Variants in RASAL2 observed in about 807,000 individuals in gnomAD.
RASAL2 encodes the protein ras GTPase-activating protein nGAP.
RASAL2 carries 58 observed loss-of-function variants against 128.9 expected under a neutral mutation model. That is an observed-to-expected ratio of 0.45 (90% CI 0.36 to 0.56). The LOEUF is 0.56. Among genes scored for constraint, RASAL2 ranks in the 20% least tolerant of loss-of-function variants. The pLI, the probability that RASAL2 is intolerant of heterozygous loss-of-function variation, is 0.00. For synonymous variants in RASAL2, 561 were observed against 580.8 expected (o/e 0.97, Z 0.49); for missense variants, 1,360 against 1,601.6 (o/e 0.85, Z 2.57).
intron 3 of RASAL2, among the ~76,000 whole-genome samples, chr1:178,321,260 T>G (rs996506207): frequency 3.3e-5 from 5 of 152,044 alleles, no homozygotes; most frequent in African/African-American, 1.2e-4. Context: ...ATTTTTGTAT[T>G]TTTAGTAGAG....
At chr1:178,220,545 C>T (rs963868124) in intron 1 of RASAL2, among the ~76,000 whole-genome samples, 3 of 152,164 alleles carry the variant, frequency 2.0e-5, no homozygotes, top group Non-Finnish European at 4.4e-5. Context: ...CGAGCACATG[C>T]TGCTGGAAGA....
intron 1 of RASAL2, among the ~76,000 whole-genome samples, chr1:178,137,864 G>T (rs537420651): frequency 1.3e-5 from 2 of 152,134 alleles, no homozygotes; most frequent in Non-Finnish European, 2.9e-5. Context: ...TTTAAACTGT[G>T]GAAGAATATA....
intron 1 of RASAL2, among the ~76,000 whole-genome samples, chr1:178,230,975 G>C (rs180731705): frequency 6.6e-6 from 1 of 152,142 alleles, no homozygotes; most frequent in Non-Finnish European, 1.5e-5. Flanking sequence ...TCTCTTTACC[G>C]GTGGAATGTC....
Position 178,351,645 on chromosome 1 carries a change from C to T in RASAL2, c.458-38455C>T, listed in dbSNP as rs112342051. ...TTGGGAGGCTGAGGCAGAAGAGTGG[C>T]GTGAACCCGTGAGGCAGAGCTTGCA... On this transcript the variant is annotated intron_variant, in intron 3 of 17. Transcript: ENST00000367649. 1.5e-3 allele frequency among the ~76,000 whole-genome samples: 232 copies of T among 150,422 alleles called. 1 individual carries two copies. The highest frequency in any genetic ancestry group is 5.4e-3 in the African/African-American group (221 of 40,690).
chr1:178,258,186 C>A (rs932248456), intron 1 of RASAL2, among the ~76,000 whole-genome samples: 3 of 150,086 alleles, frequency 2.0e-5, no homozygotes, highest in Non-Finnish European at 4.4e-5. Flanking sequence ...CCCAGCTACT[C>A]GGGAGGCTGA....
intron 4 of RASAL2, among the ~76,000 whole-genome samples, chr1:178,419,011 TA>T (rs1360103402): frequency 6.6e-6 from 1 of 152,146 alleles, no homozygotes; most frequent in African/African-American, 2.4e-5. Context: ...CCACGAAGAT[TA>T]GGGGGGTGAT....
At chr1:178,371,905 T>C (rs1671739081) in intron 3 of RASAL2, among the ~76,000 whole-genome samples, 1 of 152,206 alleles carries the variant, frequency 6.6e-6, no homozygotes, top group Non-Finnish European at 1.5e-5. Context: ...GTATGATTTT[T>C]CCTGTCATTA....
At chr1:178,422,045 G>A (rs1392361004) in intron 5 of RASAL2, among the ~76,000 whole-genome samples, 1 of 151,718 alleles carries the variant, frequency 6.6e-6, no homozygotes, top group African/African-American at 2.4e-5. Flanking sequence ...CAAAAATGTT[G>A]TGCAGCAAAT....
chr1:178,409,266 T>G (rs1289033054), intron 4 of RASAL2, among the ~76,000 whole-genome samples: 1 of 152,176 alleles, frequency 6.6e-6, no homozygotes, highest in South Asian at 2.1e-4. Flanking sequence ...GAGCCCCTAC[T>G]AAATACCAGA....
intron 3 of RASAL2, among the ~76,000 whole-genome samples, chr1:178,320,652 C>G (rs953264491): frequency 6.6e-6 from 1 of 152,172 alleles, no homozygotes; most frequent in South Asian, 2.1e-4. Flanking sequence ...TGCTTTGGCT[C>G]GCACACGGTG....
Position 178,442,958 on chromosome 1 carries a change from G to T in RASAL2, c.1211G>T (p.Ser404Ile). 6 of 1,614,056 alleles carry T rather than the reference G, an allele frequency of 3.7e-6. No homozygotes were observed. Among genetic ancestry groups the T allele is most frequent in the South Asian group, 1.1e-5 (1 of 91,078 alleles). ...GGGCTAGTCAACATCCCCACTGCCA[G>T]TGTGACTGGTCGCCAATTTGTAGAA... is the stretch of plus-strand genomic sequence containing the variant. ...YVGLVNIPTA[S>I]VTGRQFVEKW... The change falls in exon 8 of 18, where the codon AGT becomes ATT. Residue 404 changes from serine to isoleucine, a missense_variant. Physicochemically the swap from Ser to Ile is moderately radical, Grantham distance 142. Transcript: ENST00000367649.
In RASAL2 at chr1:178,094,555, G is replaced by T. The variant is rs752944286; in HGVS notation, c.63G>T (p.Pro21=). The T allele has an allele frequency of 2.5e-6, 4 of 1,593,206 alleles. No individual in the cohort carries two copies. In the Admixed American group the frequency reaches 7.0e-5, roughly 28 times the overall value. The change falls in exon 1 of 18, where the codon CCG becomes CCT. Residue 21 remains proline, a synonymous_variant. Coordinates refer to ENST00000367649, the MANE Select transcript of RASAL2 (RefSeq NM_170692.4). ...AEALSWPEMF[P]ALESDSPLPP... ...CGCTGTCCTGGCCGGAGATGTTCCC[G>T]GCGCTGGAGTCCGACTCGCCGCTGC...
At chr1:178,366,120 T>G (rs1057376539) in intron 3 of RASAL2, among the ~76,000 whole-genome samples, 4 of 152,194 alleles carry the variant, frequency 2.6e-5, no homozygotes, top group Non-Finnish European at 5.9e-5. Context: ...TAAGAGAATG[T>G]CCTTTGTTTT....
intron 1 of RASAL2, among the ~76,000 whole-genome samples, chr1:178,151,868 T>A (rs868434507): frequency 2.0e-5 from 3 of 152,230 alleles, no homozygotes; most frequent in Admixed American, 1.3e-4. Flanking sequence ...AGGACGTCTG[T>A]ATAGTCCTGT....
chr1:178,187,600 C>T (rs1043717746), intron 1 of RASAL2, among the ~76,000 whole-genome samples: 1 of 152,038 alleles, frequency 6.6e-6, no homozygotes, highest in African/African-American at 2.4e-5. Flanking sequence ...AAAAGGTGAA[C>T]CACAACCGGA....
Position 178,477,639 on chromosome 1 carries a change from GTC to G in RASAL2, c.*4404_*4405del, listed in dbSNP as rs1366579986. ...AAATACATAGATACATAAAAAGGCA[GTC>G]TCTGTAGACAACACATGCACACACC... On this transcript the variant is annotated 3_prime_UTR_variant, in exon 18 of 18. Transcript: ENST00000367649. 6.6e-6 allele frequency: 1 copy of G among 152,138 alleles called. No homozygotes were observed. The highest frequency in any genetic ancestry group is 1.9e-4 in the East Asian group (1 of 5,198). The allele number at this position is 152,138 out of a possible 1,614,324, so 9.4% of individuals were successfully genotyped here.
intron 1 of RASAL2, among the ~76,000 whole-genome samples, chr1:178,237,308 A>G (rs1321378510): frequency 3.9e-5 from 6 of 152,016 alleles, no homozygotes; most frequent in African/African-American, 1.4e-4. Flanking sequence ...CATCGCTTCA[A>G]GCAGTATTGC....
intron 5 of RASAL2, among the ~76,000 whole-genome samples, chr1:178,438,885 G>C (rs1025874838): frequency 0.022 from 1,759 of 78,610 alleles, 40 homozygotes; most frequent in African/African-American, 0.093. Context: ...TCGACTCTGT[G>C]TGTGTGTGTG....
chr1:178,214,131 G>A (rs763152062), intron 1 of RASAL2, among the ~76,000 whole-genome samples: 13 of 151,984 alleles, frequency 8.6e-5, no homozygotes, highest in Non-Finnish European at 1.6e-4. Context: ...CTAACTGGGC[G>A]TGGTAATCCA....
Sources: gnomAD v4.1 joint callset for allele counts (sites outside exome capture counted in the v4.1 genomes callset) on GRCh38, gnomAD v4.1.1 for gene constraint, MANE v1.5 for transcripts, NCBI Gene and HGNC (gene_info 2026-07-23, HGNC 2026-07-21) for gene names.